The following SLCO6A1 variants were observed in gnomAD, a reference collection of about 807,000 sequenced individuals.
The protein encoded by SLCO6A1 is cancer/testis antigen 48.
Under a neutral mutation model 72.7 loss-of-function variants are expected in SLCO6A1, and 65 were observed. The ratio of observed to expected loss-of-function variants is 0.89; its 90% CI spans 0.73 to 1.10. SLCO6A1 has a LOEUF of 1.10. SLCO6A1 is among the 50% of genes least tolerant of loss of function. The pLI, the probability that SLCO6A1 is intolerant of heterozygous loss-of-function variation, is 0.00. For missense variants in SLCO6A1, 874 were observed against 872.6 expected, an observed-to-expected ratio of 1.00 and a Z score of -0.02; for synonymous variants, 314 against 298.2, an observed-to-expected ratio of 1.05 and a Z score of -0.55.
chr5:102,373,629 T>C, intron 12 of SLCO6A1, 135 bp from the exon 13 acceptor site: 2 of 451,684 alleles, frequency 4.4e-6, no homozygotes, highest in South Asian at 6.5e-5. Flanking sequence ...TAGAATGCAA[T>C]TAATGCCATA....
intron 8 of SLCO6A1, among the ~76,000 whole-genome samples, chr5:102,418,575 T>A (rs1748419382): frequency 6.6e-6 from 1 of 152,206 alleles, no homozygotes; most frequent in Non-Finnish European, 1.5e-5. Context: ...AGTTCACTTA[T>A]CATTTATATT....
chr5:102,457,948 G>T (rs1215399541), intron 6 of SLCO6A1, among the ~76,000 whole-genome samples: 1 of 152,148 alleles, frequency 6.6e-6, no homozygotes, highest in African/African-American at 2.4e-5. Context: ...CATGTCCTTT[G>T]TAGGGACATG....
intron 12 of SLCO6A1, among the ~76,000 whole-genome samples, chr5:102,376,830 T>C (rs1745823844): frequency 6.6e-6 from 1 of 152,128 alleles, no homozygotes; most frequent in South Asian, 2.1e-4. Context: ...TTTTGGGGAT[T>C]TACCCAATAA....
At position 102,404,090 on chromosome 5, in the gene SLCO6A1, A is replaced by T. The variant is rs190289731; in HGVS notation, c.1627-4348T>A. On this transcript the variant is annotated intron_variant, in intron 9 of 13. Transcript: ENST00000506729. ...TTCTGAGTTTTAAAATATTACTTAG[A>T]TGTACAATATCTATTTTATTTTCTT... Among the ~76,000 whole-genome samples the T allele has an allele frequency of 5.2e-3, 796 of 152,298 alleles. 7 individuals carry two copies. The highest frequency in any genetic ancestry group is 9.3e-3 in the Admixed American group (142 of 15,296).
chr5:102,435,151 A>T (rs1264781938), intron 7 of SLCO6A1, among the ~76,000 whole-genome samples: 1 of 152,150 alleles, frequency 6.6e-6, no homozygotes, highest in Non-Finnish European at 1.5e-5. Flanking sequence ...CTTTGCTGTG[A>T]CCCTCTTAGG....
At chr5:102,373,194 A>T (rs1340483734) in intron 13 of SLCO6A1, 143 bp downstream of exon 13, 1 of 407,796 alleles carries the variant, frequency 2.5e-6, no homozygotes, top group Non-Finnish European at 3.7e-6. Context: ...CACAGACTAT[A>T]TTATTATATT....
In SLCO6A1 at chr5:102,477,663, G is replaced by C; in HGVS notation, c.802+13C>G. The C allele has an allele frequency of 1.2e-6, 2 of 1,604,498 alleles. No individual in the cohort carries two copies. The highest frequency in any genetic ancestry group is 1.7e-6 in the Non-Finnish European group (2 of 1,174,748). On this transcript the variant is annotated intron_variant, in intron 3 of 13. Transcript: ENST00000506729. Reference sequence around the variant, plus strand: ...CAAAATGGGTCAATCGTAATAGAGGGGGTAAAACTTGCCTAAATAGATACC... The same window carrying C: ...CAAAATGGGTCAATCGTAATAGAGGCGGTAAAACTTGCCTAAATAGATACC...
chr5:102,447,298 T>C (rs1750166291), intron 6 of SLCO6A1, among the ~76,000 whole-genome samples: 1 of 152,184 alleles, frequency 6.6e-6, no homozygotes, highest in African/African-American at 2.4e-5. Flanking sequence ...TGCATTTATG[T>C]TCATCAGGGA....
intron 7 of SLCO6A1, among the ~76,000 whole-genome samples, chr5:102,431,805 A>G (rs1228344291): frequency 6.6e-6 from 1 of 152,030 alleles, no homozygotes; most frequent in African/African-American, 2.4e-5. Flanking sequence ...TTCTGCCTTG[A>G]CAACCTTTCT....
intron 4 of SLCO6A1, among the ~76,000 whole-genome samples, chr5:102,465,135 AGT>A (rs1161471085): frequency 6.6e-6 from 1 of 152,192 alleles, no homozygotes; most frequent in African/African-American, 2.4e-5. Context: ...AGATGTTGTT[AGT>A]GTCCCATTTG....
intron 8 of SLCO6A1, 67 bp downstream of exon 8, chr5:102,419,759 A>G: frequency 8.0e-7 from 1 of 1,243,004 alleles, no homozygotes; most frequent in South Asian, 1.4e-5. Context: ...ATAGATAATT[A>G]TTAATTGCCT....
chr5:102,485,014 G>T (rs1423839048), intron 1 of SLCO6A1, among the ~76,000 whole-genome samples: 1 of 152,084 alleles, frequency 6.6e-6, no homozygotes, highest in African/African-American at 2.4e-5. Flanking sequence ...CACTTTGGGA[G>T]GCTGAGGCGG....
At chr5:102,488,560 T>C (rs1752539794) in intron 1 of SLCO6A1, among the ~76,000 whole-genome samples, 1 of 152,228 alleles carries the variant, frequency 6.6e-6, no homozygotes, top group Non-Finnish European at 1.5e-5. Context: ...AAAATACTTT[T>C]AGATCTGTTT....
In SLCO6A1 at chr5:102,402,061, G is replaced by C. The variant is rs191642416; in HGVS notation, c.1627-2319C>G. Among the ~76,000 whole-genome samples, 239 of 152,168 alleles carry C rather than the reference G, an allele frequency of 1.6e-3. 1 individual carries two copies. The highest frequency in any genetic ancestry group is 2.7e-3 in the Non-Finnish European group (184 of 67,998). ...GGCTCTAAAAGGGTTGAAGAACTAA[G>C]GAGTCCATGTATTAGAGAAAGTGAG... On this transcript the variant is annotated intron_variant, in intron 9 of 13. Transcript: ENST00000506729.
In SLCO6A1 at chr5:102,458,421, T is replaced by G. The variant is rs780052811; in HGVS notation, c.1092A>C (p.Lys364Asn). The change falls in exon 6 of 14, where the codon AAA (lysine) becomes AAC (asparagine). Residue 364 changes from lysine to asparagine, a missense_variant. Coordinates refer to ENST00000506729, the MANE Select transcript of SLCO6A1 (RefSeq NM_173488.5). ...HFFDSRLKDL[K>N]LGTNIKDLCA... ...ATAAATCCTTGATATTAGTTCCAAG[T>G]TTCAGATCTTTAAGTCTGCTGTCAA... is the stretch of plus-strand genomic sequence containing the variant. 12 of 1,613,032 alleles carry G rather than the reference T, an allele frequency of 7.4e-6. No individual in the cohort carries two copies. Among genetic ancestry groups the G allele is most frequent in the Non-Finnish European group, 8.5e-6 (10 of 1,179,466 alleles).
intron 7 of SLCO6A1, among the ~76,000 whole-genome samples, chr5:102,424,425 A>G (rs1441466414): frequency 6.6e-6 from 1 of 152,196 alleles, no homozygotes. Context: ...CACAATAAAA[A>G]ATAATAAAAG....
chr5:102,388,990 C>T (rs1350098701), intron 11 of SLCO6A1, among the ~76,000 whole-genome samples, 165 bp from the exon 12 acceptor site: 2 of 152,052 alleles, frequency 1.3e-5, no homozygotes, highest in African/African-American at 4.8e-5. Context: ...TCACTGGAAA[C>T]AATGTGAGTT....
Position 102,451,565 on chromosome 5 carries a change from CTGGATGGAG to C in SLCO6A1, c.1131+6808_1131+6816del, listed in dbSNP as rs559186069. 2.1e-3 allele frequency among the ~76,000 whole-genome samples: 318 copies of C among 152,280 alleles called. 3 individuals are homozygous for C. Among genetic ancestry groups the C allele is most frequent in the African/African-American group, 7.3e-3 (302 of 41,574 alleles). Reference sequence around the variant, plus strand: ...AGCTCTTCATGTCATTCTGGAGGCCCTGGATGGAGTGGGTTGGGGGAATCTCCTGTGCCC... The same window carrying C: ...AGCTCTTCATGTCATTCTGGAGGCCCTGGGTTGGGGGAATCTCCTGTGCCC... On this transcript the variant is annotated intron_variant, in intron 6 of 13. Coordinates refer to ENST00000506729, the MANE Select transcript of SLCO6A1 (RefSeq NM_173488.5).
Position 102,480,323 on chromosome 5 carries a change from A to G in SLCO6A1, c.470T>C (p.Leu157Pro), listed in dbSNP as rs1259612986. ...ATAGAATGCTATAAATATTGCTACC[A>G]GGCCAGATGAAATATCGTAACTCTT... ...LEKSYDISSG[L>P]VAIFIAFYGD... The change falls in exon 2 of 14, where the codon CTG becomes CCG. Residue 157 changes from leucine (L) to proline (P), a missense_variant. Physicochemically the swap from Leu to Pro is moderately conservative, Grantham distance 98. Coordinates refer to ENST00000506729, the MANE Select transcript of SLCO6A1 (RefSeq NM_173488.5). 2 of 1,613,512 alleles carry G rather than the reference A, an allele frequency of 1.2e-6. No individual in the cohort carries two copies. Among genetic ancestry groups the G allele is most frequent in the African/African-American group, 2.7e-5 (2 of 74,912 alleles).
Sources: allele counts gnomAD v4.1 joint callset (sites outside exome capture counted in the v4.1 genomes callset), GRCh38; gene constraint gnomAD v4.1.1; transcripts MANE v1.5; gene names NCBI Gene and HGNC (gene_info 2026-07-23, HGNC 2026-07-21).